Variants in VDAC2 observed in about 807,000 individuals in gnomAD.
VDAC2 encodes the protein voltage dependent anion channel 2.
In VDAC2, 6 loss-of-function variants were observed where a neutral mutation model predicts 36.6. The ratio of observed to expected loss-of-function variants is 0.16; its 90% CI spans 0.09 to 0.32. The LOEUF is 0.32. Among genes scored for constraint, VDAC2 ranks in the 10% least tolerant of loss-of-function variants. The pLI, the probability that VDAC2 is intolerant of heterozygous loss-of-function variation, is 1.00. For missense variants in VDAC2, 247 were observed against 346.0 expected (o/e 0.71, Z 2.27); for synonymous variants, 109 against 123.8 (o/e 0.88, Z 0.79).
chr10:75,211,692 A>T, intron 2 of VDAC2: 1 of 1,549,696 alleles, frequency 6.5e-7, no homozygotes, highest in African/African-American at 1.4e-5. Flanking sequence ...TATTTAGTTG[A>T]TGTAGACATT....
At chr10:75,224,898 T>C (rs1420064909) in intron 8 of VDAC2, among the ~76,000 whole-genome samples, 1 of 152,196 alleles carries the variant, frequency 6.6e-6, no homozygotes, top group Non-Finnish European at 1.5e-5. Flanking sequence ...GTCAGGCTTA[T>C]TAATCAAGAT....
chr10:75,223,145 TA>T, intron 8 of VDAC2, among the ~76,000 whole-genome samples: 1 of 152,176 alleles, frequency 6.6e-6, no homozygotes, highest in South Asian at 2.1e-4. Flanking sequence ...CACACCTGGC[TA>T]ATTTTTTTGT....
chr10:75,224,137 C>T (rs970273933), intron 8 of VDAC2, among the ~76,000 whole-genome samples: 6 of 152,190 alleles, frequency 3.9e-5, no homozygotes, highest in Non-Finnish European at 7.3e-5. Context: ...CTGGGGCTTG[C>T]AGTTGGCATC....
At chr10:75,226,729 CGG>C (rs1389164445) in intron 8 of VDAC2, among the ~76,000 whole-genome samples, 1 of 151,872 alleles carries the variant, frequency 6.6e-6, no homozygotes, top group Non-Finnish European at 1.5e-5. Context: ...CCCAAAGTGC[CGG>C]GGTAACAGGA....
In VDAC2 at chr10:75,231,009, T is replaced by C. The variant is rs760626166; in HGVS notation, c.*20T>C. On this transcript the variant is annotated 3_prime_UTR_variant, in exon 10 of 10. Transcript: ENST00000332211. Reference sequence around the variant, plus strand: ...GCTTAATCCAGCTGAAAGAAACCTTTGGGAATGGATATCAGAAGATTTGGC... The same window carrying C: ...GCTTAATCCAGCTGAAAGAAACCTTCGGGAATGGATATCAGAAGATTTGGC... The C allele has an allele frequency of 6.3e-7, 1 of 1,579,866 alleles. No individual in the cohort carries two copies. Among genetic ancestry groups the C allele is most frequent in the South Asian group, 1.1e-5 (1 of 89,214 alleles).
intron 2 of VDAC2, 108 bp downstream of exon 2, chr10:75,211,297 C>A: frequency 6.7e-7 from 1 of 1,499,874 alleles, no homozygotes; most frequent in Non-Finnish European, 9.0e-7. Flanking sequence ...GGAAATTCGG[C>A]TGCTTTTGGT....
rs757330511 is a variant in VDAC2, at chr10:75,214,082, T to C, written c.150+12T>C. The C allele has an allele frequency of 3.7e-6, 6 of 1,612,352 alleles. No individual in the cohort carries two copies. The highest frequency in any genetic ancestry group is 5.1e-6 in the Non-Finnish European group (6 of 1,179,020). ...CTTGCAGTGGCGTGGTGAGTGTTAC[T>C]GTTGAATAAGTTCTATTGAACCTTT... On this transcript the variant is annotated intron_variant, in intron 4 of 9. Coordinates refer to ENST00000332211, the MANE Select transcript of VDAC2 (RefSeq NM_001391963.1).
rs539547562 is a variant in VDAC2 at position 75,231,092 on chromosome 10, A to G, written c.*103A>G. On this transcript the variant is annotated 3_prime_UTR_variant, in exon 10 of 10. Coordinates refer to ENST00000332211, the MANE Select transcript of VDAC2 (RefSeq NM_001391963.1). ...CTTTTTTCCCCCAAGAAGATGATCAAAACAAAGGATGATCTCAACAAGAGC... is the reference window on the plus strand; with the variant it reads ...CTTTTTTCCCCCAAGAAGATGATCAGAACAAAGGATGATCTCAACAAGAGC... 1.5e-4 allele frequency: 117 copies of G among 794,532 alleles called. 5 individuals are homozygous for G. In the South Asian group the frequency reaches 1.9e-3, roughly 13 times the overall value. 49.2% of individuals were successfully genotyped at this position (794,532 alleles called of 1,614,324 possible).
intron 8 of VDAC2, among the ~76,000 whole-genome samples, chr10:75,223,856 C>T (rs74980770): frequency 0.011 from 1,683 of 152,194 alleles, 35 homozygotes; most frequent in African/African-American, 0.038. Context: ...CTCATGAAAA[C>T]CCACAAGGAC....
At chr10:75,226,903 A>G (rs1393515615) in intron 8 of VDAC2, among the ~76,000 whole-genome samples, 1 of 152,228 alleles carries the variant, frequency 6.6e-6, no homozygotes, top group African/African-American at 2.4e-5. Flanking sequence ...GGGAGGGCAT[A>G]GTAGCTAAAG....
rs1386793735 is a variant in VDAC2 at position 75,221,910 on chromosome 10, A to AG, written c.585-340dup. ...TACGTTTCTTACAATCATGCCAGCT[A>AG]GGTATATAATCTTTGTTAATGTTGT... On this transcript the variant is annotated intron_variant, in intron 7 of 9. Coordinates refer to ENST00000332211, the MANE Select transcript of VDAC2 (RefSeq NM_001391963.1). Among the ~76,000 whole-genome samples, 10 of 152,380 alleles carry AG rather than the reference A, an allele frequency of 6.6e-5. No homozygotes were observed. The East Asian group carries it at 1.7e-3, about 26-fold the overall frequency.
intron 9 of VDAC2, among the ~76,000 whole-genome samples, chr10:75,230,033 T>C (rs541901506): frequency 6.6e-5 from 10 of 152,170 alleles, no homozygotes; most frequent in Non-Finnish European, 1.5e-4. Context: ...CTGAAATGTT[T>C]TGTAGTAATT....
chr10:75,211,755 C>T, intron 2 of VDAC2: 1 of 1,436,006 alleles, frequency 7.0e-7, no homozygotes, highest in Non-Finnish European at 9.5e-7. Flanking sequence ...TTTAAATTCC[C>T]AGTATTAAAT....
intron 8 of VDAC2, among the ~76,000 whole-genome samples, chr10:75,226,007 G>T (rs1841941357): frequency 6.6e-6 from 1 of 152,022 alleles, no homozygotes; most frequent in South Asian, 2.1e-4. Context: ...TGGCCAGGCT[G>T]GTCTCAAACT....
intron 8 of VDAC2, among the ~76,000 whole-genome samples, chr10:75,227,898 CTTT>C (rs1172542801): frequency 2.2e-5 from 3 of 133,496 alleles, no homozygotes; most frequent in African/African-American, 2.7e-5. Flanking sequence ...TTCTTTCTTT[CTTT>C]TTTTTTTTTT....
chr10:75,228,146 G>A (rs982289488), intron 8 of VDAC2, among the ~76,000 whole-genome samples: 2 of 146,376 alleles, frequency 1.4e-5, no homozygotes, highest in Non-Finnish European at 3.0e-5. Context: ...CGCCTGCCTC[G>A]GCCTCCCAAA....
chr10:75,210,945 C>G lies in VDAC2; in HGVS notation c.-26+7C>G. The G allele has an allele frequency of 2.2e-6, 1 of 452,468 alleles. No homozygotes were observed. Among genetic ancestry groups the G allele is most frequent in the East Asian group, 3.6e-5 (1 of 27,530 alleles). 28.0% of individuals were successfully genotyped at this position (452,468 alleles called of 1,614,324 possible). A position where few individuals can be genotyped will look rare whatever the true frequency, so the allele number is the denominator to read the frequency against. ...CCCCTCAGGACACCACCAGGTACCGCCGCGCCCGCCTCACGCCGACCCAGG... is the reference window on the plus strand; with the variant it reads ...CCCCTCAGGACACCACCAGGTACCGGCGCGCCCGCCTCACGCCGACCCAGG... On this transcript the variant is annotated splice_region_variant and intron_variant, in intron 1 of 9. Coordinates refer to ENST00000332211, the MANE Select transcript of VDAC2 (RefSeq NM_001391963.1).
rs538683116 is a variant in VDAC2, at chr10:75,222,249, T to C, written c.585-3T>C. 1.4e-5 allele frequency: 22 copies of C among 1,612,868 alleles called. No homozygotes were observed. Among genetic ancestry groups the C allele is most frequent in the Non-Finnish European group, 1.7e-5 (20 of 1,179,276 alleles). On this transcript the variant is annotated splice_polypyrimidine_tract_variant and splice_region_variant and intron_variant, in intron 7 of 9. Coordinates refer to ENST00000332211, the MANE Select transcript of VDAC2 (RefSeq NM_001391963.1). ...AGATCTACTAATTTAAAATATCTTA[T>C]AGCAATGATGGGACAGAATTTGGAG... is the stretch of plus-strand genomic sequence containing the variant.
chr10:75,211,265 C>A, intron 2 of VDAC2, 76 bp downstream of exon 2: 1 of 1,565,520 alleles, frequency 6.4e-7, no homozygotes, highest in Non-Finnish European at 8.7e-7. Context: ...CAGTTTGTTT[C>A]CCCCTATCTT....
Sources: allele counts gnomAD v4.1 joint callset (sites outside exome capture counted in the v4.1 genomes callset), GRCh38; gene constraint gnomAD v4.1.1; transcripts MANE v1.5; gene names NCBI Gene and HGNC (gene_info 2026-07-23, HGNC 2026-07-21).